Variants in ATG7 observed in about 807,000 individuals in gnomAD.
ATG7 encodes autophagy related 7.
ATG7 carries 70 observed loss-of-function variants against 82.4 expected under a neutral mutation model. That is an observed-to-expected ratio of 0.85 (90% confidence interval 0.70 to 1.04). The LOEUF (loss-of-function observed/expected upper bound fraction) is 1.04. Among genes scored for constraint, ATG7 ranks in the 50% least tolerant of loss-of-function variants. ATG7 has a pLI of 0.00. For synonymous variants in ATG7, 287 were observed against 313.0 expected (o/e 0.92, Z 0.88); for missense variants, 792 against 864.3 (o/e 0.92, Z 1.05).
In ATG7 at chr3:11,306,953, A is replaced by G. The variant is rs758366169; in HGVS notation, c.226A>G (p.Thr76Ala). The G allele has an allele frequency of 5.0e-6, 8 of 1,613,778 alleles. No individual in the cohort carries two copies. The South Asian group carries it at 7.7e-5, about 16-fold the overall frequency. The change falls in exon 6 of 21, where the codon ACC becomes GCC. Residue 76 changes from threonine (T) to alanine (A), a missense_variant. Thr to Ala is a moderately conservative substitution (Grantham distance 58, BLOSUM62 0). Transcript: ENST00000693202. Reference sequence around the variant, plus strand: ...TTCTCTTGTATCTAGGAGTGCTCCCACCCCAGCCCGTTGCTGCCCAGCTAT... The same window carrying G: ...TTCTCTTGTATCTAGGAGTGCTCCCGCCCCAGCCCGTTGCTGCCCAGCTAT... ...EFSAFDMSAP[T>A]PARCCPAIGT...
At chr3:11,535,615 G>T (rs925580403) in intron 20 of ATG7, among the ~76,000 whole-genome samples, 1 of 150,972 alleles carries the variant, frequency 6.6e-6, no homozygotes, top group Admixed American at 6.6e-5. Context: ...TTCAGCAGTG[G>T]ACTTGACTGA....
At chr3:11,465,550 G>T (rs891201991) in intron 20 of ATG7, among the ~76,000 whole-genome samples, 4 of 151,826 alleles carry the variant, frequency 2.6e-5, no homozygotes, top group African/African-American at 7.3e-5. Context: ...TGTGAGACCA[G>T]CCTGGGCGTG....
At chr3:11,387,784 C>T (rs2078432720) in intron 19 of ATG7, among the ~76,000 whole-genome samples, 1 of 152,100 alleles carries the variant, frequency 6.6e-6, no homozygotes, top group Non-Finnish European at 1.5e-5. Context: ...TCCTGGCTAA[C>T]ACGGTGAAAC....
downstream of ATG7, among the ~76,000 whole-genome samples, chr3:11,561,394 C>T (rs1378301402): frequency 1.3e-5 from 2 of 152,326 alleles, no homozygotes; most frequent in Non-Finnish European, 2.9e-5. Flanking sequence ...ACCTTCAGGG[C>T]ATCTCCTGAC....
At chr3:11,433,238 T>G (rs1343563095) in intron 20 of ATG7, among the ~76,000 whole-genome samples, 1 of 148,286 alleles carries the variant, frequency 6.7e-6, no homozygotes, top group Non-Finnish European at 1.5e-5. Flanking sequence ...GAGCTATGAT[T>G]GTGCCACTGT....
chr3:11,471,129 C>T (rs2087464239), intron 20 of ATG7, among the ~76,000 whole-genome samples: 3 of 152,180 alleles, frequency 2.0e-5, no homozygotes, highest in African/African-American at 7.2e-5. Context: ...CCAGGCGGCC[C>T]TTTTGGAAAC....
At chr3:11,499,521 G>T (rs1039480324) in intron 20 of ATG7, among the ~76,000 whole-genome samples, 1 of 152,058 alleles carries the variant, frequency 6.6e-6, no homozygotes, top group Non-Finnish European at 1.5e-5. Context: ...CGAGGAGGGC[G>T]GATCACCTGA....
chr3:11,386,103 C>T (rs1481779537), intron 19 of ATG7, among the ~76,000 whole-genome samples: 1 of 152,182 alleles, frequency 6.6e-6, no homozygotes, highest in Non-Finnish European at 1.5e-5. Context: ...TTCCAGGGTC[C>T]TGGCTCTGCA....
At chr3:11,485,854 A>G (rs1035853739) in intron 20 of ATG7, among the ~76,000 whole-genome samples, 5 of 152,038 alleles carry the variant, frequency 3.3e-5, no homozygotes, top group African/African-American at 1.2e-4. Flanking sequence ...ATAGTTGTAG[A>G]TATGCGACGT....
rs1024659120 is a variant in ATG7 at position 11,445,975 on chromosome 3, A to G, written c.2079+19049A>G. On this transcript the variant is annotated intron_variant, in intron 20 of 20. Transcript: ENST00000693202. ...CTCTACTTCAACTCCAAAAATTTTCATATGTTATGCTTGTGTAGCCCCTGT... is the reference window on the plus strand; with the variant it reads ...CTCTACTTCAACTCCAAAAATTTTCGTATGTTATGCTTGTGTAGCCCCTGT... Among the ~76,000 whole-genome samples, 21 of 152,184 alleles carry G rather than the reference A, an allele frequency of 1.4e-4. 1 individual carries two copies. The highest frequency in any genetic ancestry group is 1.2e-3 in the Admixed American group (18 of 15,262).
intron 20 of ATG7, among the ~76,000 whole-genome samples, chr3:11,479,752 G>A (rs2088701123): frequency 6.6e-6 from 1 of 152,174 alleles, no homozygotes; most frequent in Admixed American, 6.5e-5. Flanking sequence ...ACTGCTGCAT[G>A]TATGCATTGT....
At chr3:11,558,643 G>A (rs1409937923), downstream of ATG7, 3 of 1,611,286 alleles carry the variant, frequency 1.9e-6, no homozygotes, top group Admixed American at 1.7e-5. Flanking sequence ...CGGACTCAGG[G>A]CTGCTGGATG....
chr3:11,503,755 CA>C (rs34065629), intron 20 of ATG7, among the ~76,000 whole-genome samples: 15,286 of 76,454 alleles, frequency 0.2, 482 homozygotes, highest in South Asian at 0.35. Context: ...GACTCTGTCT[CA>C]AAAAAAAAAA....
intron 9 of ATG7, among the ~76,000 whole-genome samples, chr3:11,318,612 TACTTAAA>T (rs546354552): frequency 7.9e-5 from 12 of 152,216 alleles, no homozygotes; most frequent in Non-Finnish European, 1.8e-4. Flanking sequence ...GTAACTCTTC[TACTTAAA>T]ACCCTTCTAA....
downstream of ATG7, chr3:11,559,280 C>A: frequency 3.4e-6 from 5 of 1,480,176 alleles, no homozygotes; most frequent in Non-Finnish European, 4.5e-6. Context: ...CAGAGAAGGG[C>A]TCTGCTGCCA....
intron 3 of ATG7, among the ~76,000 whole-genome samples, chr3:11,297,039 G>A (rs1946042595): frequency 6.6e-6 from 1 of 152,156 alleles, no homozygotes; most frequent in African/African-American, 2.4e-5. Context: ...ACCTCCCTGA[G>A]TAGATATGAG....
intron 20 of ATG7, among the ~76,000 whole-genome samples, chr3:11,482,722 A>G (rs1275369577): frequency 6.6e-6 from 1 of 151,834 alleles, no homozygotes; most frequent in African/African-American, 2.4e-5. Flanking sequence ...TAGCACCATG[A>G]TTTATAGGGG....
At chr3:11,499,434 C>A (rs2091142592) in intron 20 of ATG7, among the ~76,000 whole-genome samples, 1 of 152,120 alleles carries the variant, frequency 6.6e-6, no homozygotes, top group Non-Finnish European at 1.5e-5. Flanking sequence ...ATGTTAGTAT[C>A]ATGTTGCTTT....
intron 19 of ATG7, among the ~76,000 whole-genome samples, chr3:11,411,576 C>T (rs905126120): frequency 6.8e-4 from 92 of 134,588 alleles, no homozygotes; most frequent in African/African-American, 2.2e-3. Context: ...GCCGAGATCA[C>T]GCCACTGCAC....
Sources: gnomAD v4.1 joint callset for allele counts (sites outside exome capture counted in the v4.1 genomes callset) on GRCh38, gnomAD v4.1.1 for gene constraint, MANE v1.5 for transcripts, NCBI Gene and HGNC (gene_info 2026-07-23, HGNC 2026-07-21) for gene names.